The following DGKI variants were observed in gnomAD, a reference collection of about 807,000 sequenced individuals.
DGKI encodes the protein diacylglycerol kinase iota.
DGKI carries 55 observed loss-of-function variants against 147.5 expected under a neutral mutation model. That is an observed-to-expected ratio of 0.37 (90% CI 0.30 to 0.47). The LOEUF is 0.47. DGKI is among the 20% of genes least tolerant of loss of function. The pLI, the probability that DGKI is intolerant of heterozygous loss-of-function variation, is 1.00. For synonymous variants in DGKI, 469 were observed against 477.1 expected (o/e 0.98, Z 0.22); for missense variants, 1,007 against 1,323.8 (o/e 0.76, Z 3.71).
intron 28 of DGKI, among the ~76,000 whole-genome samples, chr7:137,426,272 A>T (rs942823775): frequency 6.6e-6 from 1 of 152,210 alleles, no homozygotes; most frequent in African/African-American, 2.4e-5. Flanking sequence ...AGAATTTCCA[A>T]CCCAGAATTT....
chr7:137,408,050 C>G, intron 29 of DGKI, 55 bp from the exon 30 acceptor site: 1 of 1,597,712 alleles, frequency 6.3e-7, no homozygotes, highest in Middle Eastern at 1.7e-4. Flanking sequence ...ACAAGGATAA[C>G]AGCTAACCGG....
Position 137,691,809 on chromosome 7 carries a change from T to TTTTTTTTTTTTTTTTTG in DGKI, c.402-1808_402-1807insCAAAAAAAAAAAAAAAA, listed in dbSNP as rs1290595066. ...GTCTAGACCTTTGGGTTTTTTTTTT[T>TTTTTTTTTTTTTTTTTG]TTTTTTTTTTTTAAGCCTCTTGTAT... On this transcript the variant is annotated intron_variant, in intron 1 of 32. Coordinates refer to ENST00000614521, the MANE Select transcript of DGKI (RefSeq NM_001321708.2). 4.6e-3 allele frequency among the ~76,000 whole-genome samples: 642 copies of TTTTTTTTTTTTTTTTTG among 140,900 alleles called. 7 individuals are homozygous for TTTTTTTTTTTTTTTTTG. The highest frequency in any genetic ancestry group is 0.017 in the African/African-American group (604 of 35,430). 92.4% of individuals were successfully genotyped at this position (140,900 alleles called of 152,430 possible).
At chr7:137,637,043 C>T (rs956192134) in intron 6 of DGKI, among the ~76,000 whole-genome samples, 3 of 152,166 alleles carry the variant, frequency 2.0e-5, no homozygotes, top group East Asian at 1.9e-4. Context: ...ATGCAATGAA[C>T]GAAGACATCG....
At chr7:137,520,754 C>T (rs1816933506) in intron 21 of DGKI, among the ~76,000 whole-genome samples, 1 of 151,994 alleles carries the variant, frequency 6.6e-6, no homozygotes, top group South Asian at 2.1e-4. Flanking sequence ...CGTGGCAACT[C>T]CAGATTGTAG....
chr7:137,773,298 T>A (rs1796265990), intron 1 of DGKI, among the ~76,000 whole-genome samples: 2 of 152,192 alleles, frequency 1.3e-5, no homozygotes, highest in African/African-American at 4.8e-5. Context: ...TGCAAAGACA[T>A]GACACTTTGG....
At position 137,643,290 on chromosome 7, in the gene DGKI, C is replaced by CAAAA. The variant is rs10541603; in HGVS notation, c.804+2178_804+2181dup. 1.0e-3 allele frequency among the ~76,000 whole-genome samples: 64 copies of CAAAA among 61,676 alleles called. 4 individuals are homozygous for CAAAA. Among genetic ancestry groups the CAAAA allele is most frequent in the African/African-American group, 4.2e-3 (59 of 13,928 alleles). 40.5% of individuals were successfully genotyped at this position (61,676 alleles called of 152,430 possible). On this transcript the variant is annotated intron_variant, in intron 6 of 32. Transcript: ENST00000614521. Reference sequence around the variant, plus strand: ...TGGGAGACACAGCGAGACTCCGTCTCAAAAAAAAAAAAAAAAAAAAAAAAA... The same window carrying CAAAA: ...TGGGAGACACAGCGAGACTCCGTCTCAAAAAAAAAAAAAAAAAAAAAAAAAAAAA...
intron 1 of DGKI, among the ~76,000 whole-genome samples, chr7:137,766,971 C>G (rs939314786): frequency 5.9e-5 from 9 of 152,216 alleles, no homozygotes; most frequent in Non-Finnish European, 1.3e-4. Flanking sequence ...TCCAAGTGAA[C>G]AGATCTGTGA....
rs1811064787 is a variant in DGKI at position 137,381,663 on chromosome 7, C to T, written c.*9557G>A. 1 of 151,958 alleles carries T rather than the reference C, an allele frequency of 6.6e-6. No homozygotes were observed. Among genetic ancestry groups the T allele is most frequent in the African/African-American group, 2.4e-5 (1 of 41,360 alleles). The allele number at this position is 151,958 out of a possible 1,614,324, so 9.4% of individuals were successfully genotyped here. A position where few individuals can be genotyped will look rare whatever the true frequency, so the allele number is the denominator to read the frequency against. The stretch of plus-strand genomic sequence containing the variant: ...AGTTTTTCACAAGAATGGTTTTCCT[C>T]AGTTTCAGTCAGTGGTGGTCTGTAT... On this transcript the variant is annotated 3_prime_UTR_variant, in exon 33 of 33. Coordinates refer to ENST00000614521, the MANE Select transcript of DGKI (RefSeq NM_001321708.2).
chr7:137,470,388 C>A (rs971154343), intron 23 of DGKI, among the ~76,000 whole-genome samples: 19 of 152,262 alleles, frequency 1.2e-4, no homozygotes, highest in African/African-American at 4.3e-4. Flanking sequence ...TCTCTTCTCT[C>A]CAAAGTCAAT....
chr7:137,559,197 A>G (rs369032134), intron 19 of DGKI, among the ~76,000 whole-genome samples: 2,782 of 139,880 alleles, frequency 0.02, 39 homozygotes, highest in Middle Eastern at 0.029. Flanking sequence ...TCAGCCTCCC[A>G]AGTAGCTGGG....
At chr7:137,562,428 C>T (rs533113059) in intron 19 of DGKI, among the ~76,000 whole-genome samples, 106 of 152,064 alleles carry the variant, frequency 7.0e-4, no homozygotes, top group Non-Finnish European at 1.3e-3. Flanking sequence ...CCCAGCTATT[C>T]AGGAGGCTGA....
chr7:137,838,069 C>T (rs1266717692), intron 1 of DGKI, among the ~76,000 whole-genome samples: 1 of 134,460 alleles, frequency 7.4e-6, no homozygotes, highest in Non-Finnish European at 1.5e-5. Context: ...GTGGCTTGAT[C>T]TCAGCTCACT....
chr7:137,544,922 T>A (rs1817816637), intron 20 of DGKI, among the ~76,000 whole-genome samples: 2 of 152,162 alleles, frequency 1.3e-5, no homozygotes, highest in Admixed American at 6.6e-5. Flanking sequence ...TGTAATTAAC[T>A]CTGACAGCAA....
At chr7:137,708,076 C>T (rs1456711313) in intron 1 of DGKI, among the ~76,000 whole-genome samples, 1 of 152,184 alleles carries the variant, frequency 6.6e-6, no homozygotes, top group Non-Finnish European at 1.5e-5. Context: ...TTGAAGTAAA[C>T]CCCAACTTGT....
chr7:137,446,663 T>G (rs1012854969), intron 27 of DGKI, among the ~76,000 whole-genome samples: 7 of 151,928 alleles, frequency 4.6e-5, no homozygotes, highest in African/African-American at 1.7e-4. Context: ...GAGGCAGAGG[T>G]TGCAGTGAGC....
chr7:137,582,064 C>T, intron 14 of DGKI, 136 bp from the exon 15 acceptor site: 2 of 545,406 alleles, frequency 3.7e-6, no homozygotes, highest in Non-Finnish European at 3.2e-6. Flanking sequence ...GTGGAGGGTG[C>T]TTATGTAGAA....
intron 8 of DGKI, 27 bp downstream of exon 8, chr7:137,619,797 C>T: frequency 6.4e-7 from 1 of 1,565,574 alleles, no homozygotes; most frequent in East Asian, 2.2e-5. Context: ...TGCACTGGCC[C>T]AGCAGCACCA....
intron 20 of DGKI, among the ~76,000 whole-genome samples, chr7:137,541,507 G>A (rs1817702593): frequency 6.6e-6 from 1 of 151,912 alleles, no homozygotes; most frequent in Non-Finnish European, 1.5e-5. Context: ...ATGTACATAG[G>A]TTATATGCAA....
chr7:137,411,615 T>C (rs998930349), intron 29 of DGKI, among the ~76,000 whole-genome samples: 2 of 152,190 alleles, frequency 1.3e-5, no homozygotes, highest in African/African-American at 4.8e-5. Context: ...TTAGAAAGTC[T>C]GACTTCAGAT....
Sources: gnomAD v4.1 joint callset for allele counts (sites outside exome capture counted in the v4.1 genomes callset) on GRCh38, gnomAD v4.1.1 for gene constraint, MANE v1.5 for transcripts, NCBI Gene and HGNC (gene_info 2026-07-23, HGNC 2026-07-21) for gene names.